IGF2BP2: variants seen among roughly 807,000 people sequenced by gnomAD.
IGF2BP2 encodes insulin like growth factor 2 mRNA binding protein 2.
A neutral mutation model predicts 75.8 loss-of-function variants in IGF2BP2; 17 were observed. That is an observed-to-expected ratio of 0.22 (90% CI 0.15 to 0.34). The LOEUF (loss-of-function observed/expected upper bound fraction) is 0.34, where lower values mean the gene tolerates loss of function less well. Ranked by LOEUF, IGF2BP2 falls within the 10% of genes least tolerant of loss-of-function variation. The pLI is 1.00. For missense variants in IGF2BP2, 516 were observed against 772.4 expected (o/e 0.67, Z 3.93); for synonymous variants, 288 against 295.6 (o/e 0.97, Z 0.26).
intron 2 of IGF2BP2, among the ~76,000 whole-genome samples, chr3:185,709,166 T>TG (rs1724459474): frequency 6.6e-6 from 1 of 152,224 alleles, no homozygotes; most frequent in Admixed American, 6.5e-5. Flanking sequence ...AATGTTTGCT[T>TG]TGTGTGGCAC....
chr3:185,813,458 T>TCAC (rs1221341424), intron 2 of IGF2BP2, among the ~76,000 whole-genome samples: 1 of 152,110 alleles, frequency 6.6e-6, no homozygotes, highest in Non-Finnish European at 1.5e-5. Flanking sequence ...CTTGAAGACA[T>TCAC]CACTATCAGC....
At chr3:185,690,961 G>A (rs1721866234) in intron 5 of IGF2BP2, among the ~76,000 whole-genome samples, 1 of 152,098 alleles carries the variant, frequency 6.6e-6, no homozygotes, top group Admixed American at 6.6e-5. Flanking sequence ...TTTAATAAAA[G>A]CAATAGAGTA....
intron 1 of IGF2BP2, 54 bp downstream of exon 1, chr3:185,824,729 C>T (rs960615843): frequency 4.9e-6 from 6 of 1,220,508 alleles, no homozygotes; most frequent in African/African-American, 4.7e-5. Flanking sequence ...CTCCCGGCGC[C>T]GTCCCGGCCT....
intron 7 of IGF2BP2, among the ~76,000 whole-genome samples, chr3:185,677,886 T>A (rs1359113731): frequency 6.6e-6 from 1 of 152,180 alleles, no homozygotes; most frequent in Non-Finnish European, 1.5e-5. Flanking sequence ...CAAATTTGAA[T>A]GTAGATCATT....
At chr3:185,681,604 T>G (rs934191335) in intron 7 of IGF2BP2, among the ~76,000 whole-genome samples, 4 of 152,212 alleles carry the variant, frequency 2.6e-5, no homozygotes, top group Non-Finnish European at 4.4e-5. Context: ...TCAAGGGACC[T>G]TGAATAGCCA....
At chr3:185,662,229 G>A (rs1189175536) in intron 10 of IGF2BP2, among the ~76,000 whole-genome samples, 2 of 152,102 alleles carry the variant, frequency 1.3e-5, no homozygotes, top group Non-Finnish European at 2.9e-5. Context: ...TGTAATCCCA[G>A]CACTTTGGGA....
At chr3:185,669,938 T>C (rs1335486504) in intron 10 of IGF2BP2, among the ~76,000 whole-genome samples, 2 of 152,154 alleles carry the variant, frequency 1.3e-5, no homozygotes. Context: ...ACTCCAGGAA[T>C]AGCCTAGGTC....
intron 2 of IGF2BP2, among the ~76,000 whole-genome samples, chr3:185,786,987 C>T (rs540900018): frequency 6.6e-6 from 1 of 152,230 alleles, no homozygotes; most frequent in Non-Finnish European, 1.5e-5. Context: ...AAGGACCCCA[C>T]CAAAACAAAT....
At chr3:185,761,754 T>C (rs1732399135) in intron 2 of IGF2BP2, among the ~76,000 whole-genome samples, 1 of 152,196 alleles carries the variant, frequency 6.6e-6, no homozygotes, top group Non-Finnish European at 1.5e-5. Flanking sequence ...TAAACATTAA[T>C]TGAAATATTT....
chr3:185,752,572 G>T (rs1295719332), intron 2 of IGF2BP2, among the ~76,000 whole-genome samples: 3 of 152,032 alleles, frequency 2.0e-5, no homozygotes, highest in Admixed American at 2.0e-4. Flanking sequence ...AGGGCCTAAA[G>T]GTAGTAAGAG....
At chr3:185,753,840 T>C (rs765322020) in intron 2 of IGF2BP2, among the ~76,000 whole-genome samples, 7 of 152,038 alleles carry the variant, frequency 4.6e-5, no homozygotes, top group Admixed American at 2.0e-4. Context: ...CCCTCACAAA[T>C]TGCTTGGCAC....
At chr3:185,807,448 TTAC>T (rs1345895024) in intron 2 of IGF2BP2, among the ~76,000 whole-genome samples, 1 of 152,234 alleles carries the variant, frequency 6.6e-6, no homozygotes, top group Admixed American at 6.5e-5. Context: ...TCAGTAATTA[TTAC>T]TACTGTTATA....
At chr3:185,677,147 T>G (rs1464085499) in intron 7 of IGF2BP2, among the ~76,000 whole-genome samples, 1 of 146,520 alleles carries the variant, frequency 6.8e-6, no homozygotes, top group African/African-American at 2.5e-5. Context: ...ACATTCAGTG[T>G]TTTCAAGGCC....
intron 2 of IGF2BP2, among the ~76,000 whole-genome samples, chr3:185,763,716 C>T (rs1036759917): frequency 6.6e-6 from 1 of 152,310 alleles, no homozygotes; most frequent in African/African-American, 2.4e-5. Flanking sequence ...TACTAGACTA[C>T]TCTCAGCTGC....
intron 12 of IGF2BP2, among the ~76,000 whole-genome samples, chr3:185,656,276 C>T (rs1715424504): frequency 6.6e-6 from 1 of 152,226 alleles, no homozygotes; most frequent in South Asian, 2.1e-4. Context: ...GCACAAGGGC[C>T]CCCACACCTC....
intron 7 of IGF2BP2, among the ~76,000 whole-genome samples, chr3:185,677,397 AC>A (rs1719720625): frequency 1.3e-5 from 2 of 151,870 alleles, no homozygotes; most frequent in South Asian, 4.1e-4. Flanking sequence ...ACAGTCAGAC[AC>A]CAGAGGGATC....
chr3:185,658,438 CG>C (rs769986983), intron 10 of IGF2BP2, 29 bp from the exon 11 acceptor site: 8 of 1,599,146 alleles, frequency 5.0e-6, no homozygotes, highest in Non-Finnish European at 6.8e-6. Flanking sequence ...AGTCAGTGGG[CG>C]GGTGCTCTCA....
intron 2 of IGF2BP2, among the ~76,000 whole-genome samples, chr3:185,780,784 A>C (rs1336629172): frequency 1.3e-5 from 2 of 152,232 alleles, no homozygotes; most frequent in African/African-American, 2.4e-5. Context: ...ATCCCTAAGA[A>C]GTGCACAGAG....
intron 2 of IGF2BP2, among the ~76,000 whole-genome samples, chr3:185,789,015 A>T (rs1345952262): frequency 2.6e-5 from 4 of 151,992 alleles, no homozygotes; most frequent in African/African-American, 9.7e-5. Flanking sequence ...GCCCAGCCTC[A>T]TTCTATTTTT....
Sources: allele counts gnomAD v4.1 joint callset (sites outside exome capture counted in the v4.1 genomes callset), GRCh38; gene constraint gnomAD v4.1.1; transcripts MANE v1.5; gene names NCBI Gene and HGNC (gene_info 2026-07-23, HGNC 2026-07-21).